FMN1: variants seen among roughly 807,000 people sequenced by gnomAD.
FMN1 encodes the protein formin-1.
FMN1 carries 110 observed loss-of-function variants against 132.4 expected under a neutral mutation model. The observed-to-expected ratio is 0.83, with a 90% CI of 0.71 to 0.97. The LOEUF is 0.97. Among genes scored for constraint, FMN1 ranks in the 50% least tolerant of loss-of-function variants. The probability of loss-of-function intolerance (pLI) is 0.00; values close to 1 mark genes in which losing one functional copy is unlikely to be tolerated. For synonymous variants in FMN1, 722 were observed against 651.7 expected, an observed-to-expected ratio of 1.11 and a Z score of -1.64; for missense variants, 1,792 against 1,705.3, an observed-to-expected ratio of 1.05 and a Z score of -0.90.
chr15:32,824,280 C>T (rs993514129), intron 17 of FMN1, among the ~76,000 whole-genome samples: 3 of 152,134 alleles, frequency 2.0e-5, no homozygotes, highest in South Asian at 2.1e-4. Context: ...AGCGTGGAGC[C>T]CAACACTGGT....
intron 16 of FMN1, among the ~76,000 whole-genome samples, chr15:32,860,169 GAAAAAAGA>G (rs1264215708): frequency 7.5e-6 from 1 of 133,010 alleles, no homozygotes; most frequent in East Asian, 2.0e-4. Flanking sequence ...GAAGGAAAAG[GAAAAAAGA>G]AAAGGGAGGA....
At chr15:33,192,269 T>A (rs1158547937) in intron 2 of FMN1, among the ~76,000 whole-genome samples, 1 of 152,232 alleles carries the variant, frequency 6.6e-6, no homozygotes, top group Non-Finnish European at 1.5e-5. Context: ...TTTACCATCA[T>A]CACATCAAGT....
intron 6 of FMN1, among the ~76,000 whole-genome samples, chr15:33,011,932 T>C (rs1164649920): frequency 6.6e-6 from 1 of 152,226 alleles, no homozygotes; most frequent in Admixed American, 6.5e-5. Flanking sequence ...ACACTTCACT[T>C]ACAGCAGGAG....
chr15:33,013,040 C>T (rs1596468984), intron 6 of FMN1: 2 of 405,636 alleles, frequency 4.9e-6, no homozygotes, highest in Non-Finnish European at 9.6e-6. Context: ...AGGGGTAGCA[C>T]TAGCTATGGC....
chr15:33,115,234 C>T (rs1200749262), intron 4 of FMN1, among the ~76,000 whole-genome samples: 1 of 152,060 alleles, frequency 6.6e-6, no homozygotes, highest in African/African-American at 2.4e-5. Context: ...AGCAGAGTTG[C>T]CTAAGGCTGT....
At chr15:33,090,065 C>A (rs16964818) in intron 4 of FMN1, among the ~76,000 whole-genome samples, 1 of 152,166 alleles carries the variant, frequency 6.6e-6, no homozygotes, top group South Asian at 2.1e-4. Flanking sequence ...CTGGACACTT[C>A]TAATGTTTCA....
At chr15:32,825,240 CA>C (rs1567228149) in intron 17 of FMN1, among the ~76,000 whole-genome samples, 16 of 152,326 alleles carry the variant, frequency 1.1e-4, no homozygotes, top group Admixed American at 7.8e-4. Flanking sequence ...TCTTTTAAAA[CA>C]TGAATGTAGT....
intron 11 of FMN1, among the ~76,000 whole-genome samples, chr15:32,910,171 C>A (rs1429972882): frequency 1.3e-5 from 2 of 152,198 alleles, no homozygotes; most frequent in African/African-American, 4.8e-5. Context: ...TTTCAGTAGG[C>A]AGCTTACCTT....
Position 32,774,968 on chromosome 15 carries a change from C to T in FMN1, c.4216-614G>A, listed in dbSNP as rs149435881. On this transcript the variant is annotated intron_variant, in intron 20 of 20. Coordinates refer to ENST00000616417, the MANE Select transcript of FMN1 (RefSeq NM_001277313.2). Reference sequence around the variant, plus strand: ...CGTAAGAATACACAGGAGCACACTACACAGAAACATGGACCCCCATGGTAT... The same window carrying T: ...CGTAAGAATACACAGGAGCACACTATACAGAAACATGGACCCCCATGGTAT... Among the ~76,000 whole-genome samples the T allele has an allele frequency of 1.1e-4, 17 of 152,220 alleles. No individual in the cohort carries two copies. The East Asian group carries it at 2.7e-3, about 24-fold the overall frequency.
chr15:33,106,480 C>A (rs1382675484), intron 4 of FMN1, among the ~76,000 whole-genome samples: 2 of 151,862 alleles, frequency 1.3e-5, no homozygotes, highest in Non-Finnish European at 2.9e-5. Flanking sequence ...TCTGATATAT[C>A]CCCAAATTTT....
intron 9 of FMN1, among the ~76,000 whole-genome samples, chr15:32,927,685 T>C (rs1308220950): frequency 6.6e-6 from 1 of 152,222 alleles, no homozygotes; most frequent in Non-Finnish European, 1.5e-5. Context: ...TGTGTTTCTC[T>C]ACAACTAGTA....
intron 17 of FMN1, among the ~76,000 whole-genome samples, chr15:32,812,150 T>C (rs1248093203): frequency 1.3e-5 from 2 of 152,180 alleles, no homozygotes; most frequent in African/African-American, 4.8e-5. Flanking sequence ...GAGAAGCTAT[T>C]TTCTCAGTTT....
chr15:33,016,106 G>A (rs2035029219), intron 6 of FMN1, among the ~76,000 whole-genome samples: 2 of 152,030 alleles, frequency 1.3e-5, no homozygotes, highest in South Asian at 2.1e-4. Flanking sequence ...AGCAAAAACA[G>A]TAAATTCATT....
At chr15:33,072,661 G>A (rs192403434) in intron 5 of FMN1, among the ~76,000 whole-genome samples, 20 of 152,248 alleles carry the variant, frequency 1.3e-4, no homozygotes, top group East Asian at 9.7e-4. Context: ...AGTAGCTCAC[G>A]CCTGTAATCC....
chr15:33,031,255 G>A (rs553419444), intron 6 of FMN1, among the ~76,000 whole-genome samples: 2 of 152,148 alleles, frequency 1.3e-5, no homozygotes, highest in African/African-American at 4.8e-5. Context: ...AATGTCCATC[G>A]AGGAAGACAA....
intron 7 of FMN1, among the ~76,000 whole-genome samples, chr15:32,974,766 A>G (rs958689600): frequency 3.3e-5 from 5 of 150,150 alleles, no homozygotes; most frequent in African/African-American, 4.9e-5. Flanking sequence ...AAACAACACA[A>G]TATCAATGGG....
At chr15:33,021,727 A>G (rs1375799142) in intron 6 of FMN1, among the ~76,000 whole-genome samples, 1 of 152,168 alleles carries the variant, frequency 6.6e-6, no homozygotes, top group Non-Finnish European at 1.5e-5. Context: ...CTAGCTGCCA[A>G]TCCTGGGATA....
At chr15:33,009,235 A>C (rs1176684033) in intron 6 of FMN1, among the ~76,000 whole-genome samples, 1 of 152,122 alleles carries the variant, frequency 6.6e-6, no homozygotes, top group Non-Finnish European at 1.5e-5. Context: ...CGATAATCCA[A>C]GTTACCACCA....
chr15:32,815,370 T>C (rs1399314534), intron 17 of FMN1, among the ~76,000 whole-genome samples: 2 of 152,238 alleles, frequency 1.3e-5, no homozygotes, highest in African/African-American at 2.4e-5. Flanking sequence ...CATGTTAATT[T>C]TTTTTAATGG....
Sources: allele counts gnomAD v4.1 joint callset (sites outside exome capture counted in the v4.1 genomes callset), GRCh38; gene constraint gnomAD v4.1.1; transcripts MANE v1.5; gene names NCBI Gene and HGNC (gene_info 2026-07-23, HGNC 2026-07-21).